The following RELN variants were observed in gnomAD, a reference collection of about 807,000 sequenced individuals.
RELN encodes reelin.
Under a neutral mutation model 427.6 loss-of-function variants are expected in RELN, and 108 were observed. The ratio of observed to expected loss-of-function variants is 0.25; its 90% CI spans 0.22 to 0.30. The LOEUF is 0.30. Among genes scored for constraint, RELN ranks in the 10% least tolerant of loss-of-function variants. The probability of loss-of-function intolerance (pLI) is 1.00; values close to 1 mark genes in which losing one functional copy is unlikely to be tolerated. For synonymous variants in RELN, 1,524 were observed against 1,513.4 expected, an observed-to-expected ratio of 1.01 and a Z score of -0.16; for missense variants, 3,715 against 4,302.8, an observed-to-expected ratio of 0.86 and a Z score of 3.82.
chr7:103,793,074 G>A (rs1449259301), intron 3 of RELN, among the ~76,000 whole-genome samples: 1 of 152,126 alleles, frequency 6.6e-6, no homozygotes, highest in Non-Finnish European at 1.5e-5. Flanking sequence ...GCCTCAAATT[G>A]CAACCAAATT....
At chr7:103,525,405 A>G (rs1046234284) in intron 46 of RELN, among the ~76,000 whole-genome samples, 3 of 152,202 alleles carry the variant, frequency 2.0e-5, no homozygotes, top group Non-Finnish European at 2.9e-5. Context: ...TTTGTTCAAC[A>G]TCGTAGACTT....
chr7:103,527,369 G>A (rs1296319985), intron 46 of RELN, among the ~76,000 whole-genome samples: 1 of 152,146 alleles, frequency 6.6e-6, no homozygotes, highest in African/African-American at 2.4e-5. Context: ...CGAAGACGAC[G>A]ATGACGCCCA....
At chr7:103,836,131 T>A (rs922363330) in intron 2 of RELN, among the ~76,000 whole-genome samples, 2 of 151,522 alleles carry the variant, frequency 1.3e-5, no homozygotes, top group Non-Finnish European at 2.9e-5. Flanking sequence ...GCCAGCTAAT[T>A]TTTTTTTGTA....
intron 7 of RELN, among the ~76,000 whole-genome samples, chr7:103,726,829 T>G (rs1285228535): frequency 1.3e-5 from 2 of 152,136 alleles, no homozygotes; most frequent in Non-Finnish European, 2.9e-5. Context: ...TACTAGCAAA[T>G]CTATTTTTTC....
intron 3 of RELN, among the ~76,000 whole-genome samples, chr7:103,801,925 T>G (rs1792478842): frequency 6.6e-6 from 1 of 152,196 alleles, no homozygotes; most frequent in Admixed American, 6.5e-5. Flanking sequence ...GCAGTAGTAG[T>G]AATACAAGTT....
intron 20 of RELN, 145 bp downstream of exon 20, chr7:103,629,795 C>T: frequency 2.8e-6 from 2 of 707,626 alleles, no homozygotes; most frequent in Non-Finnish European, 5.1e-6. Context: ...TTGTAACAAC[C>T]TGAAAACAGT....
intron 60 of RELN, 141 bp from the exon 61 acceptor site, chr7:103,486,557 A>C (rs1828447111): frequency 2.8e-6 from 2 of 701,978 alleles, no homozygotes; most frequent in Non-Finnish European, 4.8e-6. Flanking sequence ...ACTTTACAAA[A>C]AAAAAAAAGC....
At chr7:103,926,046 T>C (rs186835487) in intron 1 of RELN, among the ~76,000 whole-genome samples, 1 of 150,724 alleles carries the variant, frequency 6.6e-6, no homozygotes, top group Admixed American at 6.6e-5. Context: ...ACAAAGTAAC[T>C]CCTAATAGTG....
At chr7:103,760,899 T>G (rs1474318323) in intron 4 of RELN, among the ~76,000 whole-genome samples, 1 of 151,814 alleles carries the variant, frequency 6.6e-6, no homozygotes, top group Non-Finnish European at 1.5e-5. Context: ...CAGGAATAAT[T>G]TATTACTTTT....
At position 103,482,890 on chromosome 7, in the gene RELN, G is replaced by C; in HGVS notation, c.10263C>G (p.Asp3421Glu). ...NGTGHDQWAL[D>E]HVEVVLVSTR... ...ATACTCACAGGACGACCTCCACATG[G>C]TCCAAAGCCCATTGATCATGACCTG... The change falls in exon 63 of 65, where the codon GAC becomes GAG. Residue 3421 changes from aspartate (D) to glutamate (E), a missense_variant. Asp to Glu is a conservative substitution (Grantham distance 45, BLOSUM62 2). Transcript: ENST00000428762. 6.2e-7 allele frequency: 1 copy of C among 1,614,128 alleles called. No homozygotes were observed. The highest frequency in any genetic ancestry group is 8.5e-7 in the Non-Finnish European group (1 of 1,180,018).
chr7:103,552,305 A>C (rs1489286528), intron 40 of RELN, among the ~76,000 whole-genome samples: 2 of 152,190 alleles, frequency 1.3e-5, no homozygotes, highest in African/African-American at 4.8e-5. Context: ...CTATCATGCC[A>C]TCAAAGCATA....
Position 103,743,487 on chromosome 7 carries a change from G to C in RELN, c.656+5939C>G, listed in dbSNP as rs183190899. Among the ~76,000 whole-genome samples the C allele has an allele frequency of 1.7e-3, 257 of 152,234 alleles. 2 individuals carry two copies. Among genetic ancestry groups the C allele is most frequent in the African/African-American group, 4.7e-3 (196 of 41,512 alleles). On this transcript the variant is annotated intron_variant, in intron 6 of 64. Transcript: ENST00000428762. Reference sequence around the variant, plus strand: ...ACTGGCAAATTGGATAAAGACTCAAGACCCATCAGTGTGCTGTATTCAGGA... The same window carrying C: ...ACTGGCAAATTGGATAAAGACTCAACACCCATCAGTGTGCTGTATTCAGGA...
chr7:103,496,886 C>T (rs1828858031), intron 55 of RELN, 118 bp from the exon 56 acceptor site: 8 of 1,179,490 alleles, frequency 6.8e-6, no homozygotes, highest in Non-Finnish European at 8.7e-6. Flanking sequence ...CAGGAAATGA[C>T]AACTGATTTT....
chr7:103,950,436 C>T (rs888967697), intron 1 of RELN, among the ~76,000 whole-genome samples: 4 of 151,942 alleles, frequency 2.6e-5, no homozygotes, highest in African/African-American at 9.7e-5. Flanking sequence ...TCATGATACA[C>T]TAAGATTATG....
At chr7:103,804,129 A>G (rs1463189123) in intron 3 of RELN, among the ~76,000 whole-genome samples, 1 of 152,088 alleles carries the variant, frequency 6.6e-6, no homozygotes, top group Non-Finnish European at 1.5e-5. Context: ...TACCATTGCA[A>G]TATTTTTAAA....
At position 103,907,955 on chromosome 7, in the gene RELN, C is replaced by G. The variant is rs550147378; in HGVS notation, c.337+9120G>C. Among the ~76,000 whole-genome samples, 5 of 152,096 alleles carry G rather than the reference C, an allele frequency of 3.3e-5. No homozygotes were observed. The South Asian group carries it at 1.0e-3, about 32-fold the overall frequency. ...TGTATTAATGTTCTCCCTCTCCTTG[C>G]CCCCTTACCCCAGCAACAGGCCCCA... On this transcript the variant is annotated intron_variant, in intron 2 of 64. Coordinates refer to ENST00000428762, the MANE Select transcript of RELN (RefSeq NM_005045.4).
intron 16 of RELN, among the ~76,000 whole-genome samples, chr7:103,649,473 G>T (rs1206435561): frequency 6.6e-6 from 1 of 151,832 alleles, no homozygotes; most frequent in Non-Finnish European, 1.5e-5. Flanking sequence ...AAATTACGTT[G>T]TACTCTATTT....
intron 2 of RELN, among the ~76,000 whole-genome samples, chr7:103,856,530 T>C (rs371656647): frequency 7.1e-5 from 10 of 140,754 alleles, no homozygotes; most frequent in East Asian, 2.1e-4. Context: ...GATTGCCCCA[T>C]TGAACTCCAG....
intron 3 of RELN, 79 bp from the exon 4 acceptor site, chr7:103,776,706 G>A: frequency 7.2e-7 from 1 of 1,392,834 alleles, no homozygotes; most frequent in East Asian, 2.3e-5. Flanking sequence ...TTTTTAAAAA[G>A]CTTATTCTTA....
Sources: allele counts gnomAD v4.1 joint callset (sites outside exome capture counted in the v4.1 genomes callset), GRCh38; gene constraint gnomAD v4.1.1; transcripts MANE v1.5; gene names NCBI Gene and HGNC (gene_info 2026-07-23, HGNC 2026-07-21).